Variants in PHACTR1 observed in about 807,000 individuals in gnomAD.
PHACTR1 encodes phosphatase and actin regulator 1, also known as RPEL repeat containing 1.
A neutral mutation model predicts 69.2 loss-of-function variants in PHACTR1; 16 were observed. The ratio of observed to expected loss-of-function variants is 0.23; its 90% CI spans 0.16 to 0.35. The LOEUF is 0.35. PHACTR1 is among the 10% of genes least tolerant of loss of function. The pLI is 1.00. For missense variants in PHACTR1, 510 were observed against 734.7 expected (o/e 0.69, Z 3.54); for synonymous variants, 312 against 284.5 (o/e 1.10, Z -0.97).
chr6:13,256,228 G>A (rs116686139), intron 10 of PHACTR1, among the ~76,000 whole-genome samples: 3,786 of 152,332 alleles, frequency 0.025, 139 homozygotes, highest in African/African-American at 0.082. Flanking sequence ...ACTGAGATGC[G>A]GGGAGCAGTG....
chr6:12,740,309 C>T (rs1419220257), intron 3 of PHACTR1, among the ~76,000 whole-genome samples: 2 of 152,070 alleles, frequency 1.3e-5, no homozygotes, highest in East Asian at 1.9e-4. Flanking sequence ...AGTATGTTTA[C>T]CCATGTTTAT....
At chr6:13,261,485 A>G (rs1009602211) in intron 10 of PHACTR1, among the ~76,000 whole-genome samples, 4 of 152,186 alleles carry the variant, frequency 2.6e-5, no homozygotes, top group African/African-American at 9.7e-5. Flanking sequence ...CAAAAGATAA[A>G]AAAATATTGA....
chr6:12,778,892 C>T (rs1196819261), intron 4 of PHACTR1, among the ~76,000 whole-genome samples: 2 of 152,082 alleles, frequency 1.3e-5, no homozygotes, highest in Non-Finnish European at 2.9e-5. Context: ...GAAAAGGGTC[C>T]CCCCTCCCCT....
At chr6:12,843,303 C>T (rs536956791) in intron 4 of PHACTR1, among the ~76,000 whole-genome samples, 2 of 152,174 alleles carry the variant, frequency 1.3e-5, no homozygotes, top group Non-Finnish European at 2.9e-5. Context: ...GGTTCACTTT[C>T]TTTTCATTGT....
intron 6 of PHACTR1, 135 bp from the exon 7 acceptor site, chr6:13,182,384 G>A (rs538090708): frequency 1.6e-5 from 16 of 1,021,136 alleles, no homozygotes; most frequent in Middle Eastern, 5.3e-4. Flanking sequence ...TGTCTTAAAA[G>A]CAAAATAACA....
At chr6:13,279,234 A>T (rs1057368493) in intron 12 of PHACTR1, 1 of 152,204 alleles carries the variant, frequency 6.6e-6, no homozygotes, top group Non-Finnish European at 1.5e-5. Context: ...GTAGCCTCGC[A>T]TGCATCTCAT....
intron 4 of PHACTR1, among the ~76,000 whole-genome samples, chr6:12,931,306 C>T (rs1452498803): frequency 1.3e-5 from 2 of 152,144 alleles, no homozygotes; most frequent in Non-Finnish European, 2.9e-5. Flanking sequence ...AAGTTACATA[C>T]ATTATTTTGG....
At chr6:12,938,008 GA>G (rs1158857754) in intron 4 of PHACTR1, among the ~76,000 whole-genome samples, 1 of 152,150 alleles carries the variant, frequency 6.6e-6, no homozygotes, top group African/African-American at 2.4e-5. Flanking sequence ...GCTGATGCAT[GA>G]GAATTACTTG....
At chr6:12,788,228 G>A (rs1473467953) in intron 4 of PHACTR1, among the ~76,000 whole-genome samples, 1 of 144,512 alleles carries the variant, frequency 6.9e-6, no homozygotes, top group Non-Finnish European at 1.5e-5. Context: ...CCCTCCCCAA[G>A]TTCCCTACCT....
intron 5 of PHACTR1, among the ~76,000 whole-genome samples, chr6:13,059,406 G>A (rs1028125542): frequency 1.3e-5 from 2 of 151,804 alleles, no homozygotes; most frequent in Admixed American, 6.6e-5. Flanking sequence ...TAACAATCCA[G>A]TATTGTGCAC....
intron 7 of PHACTR1, among the ~76,000 whole-genome samples, chr6:13,200,057 C>T (rs1423320502): frequency 6.6e-6 from 1 of 152,132 alleles, no homozygotes; most frequent in Non-Finnish European, 1.5e-5. Context: ...TCCCAATGAC[C>T]CCCCAGGATG....
At chr6:13,083,269 A>C (rs1351803110) in intron 5 of PHACTR1, among the ~76,000 whole-genome samples, 1 of 151,784 alleles carries the variant, frequency 6.6e-6, no homozygotes, top group Non-Finnish European at 1.5e-5. Context: ...ATGCGGCATT[A>C]TTTCTGAGGG....
At chr6:12,764,877 T>G (rs1315916608) in intron 4 of PHACTR1, among the ~76,000 whole-genome samples, 4 of 152,080 alleles carry the variant, frequency 2.6e-5, no homozygotes, top group Non-Finnish European at 5.9e-5. Flanking sequence ...ATGGTCTGAG[T>G]GCTCTTGGTG....
chr6:12,746,593 A>C (rs376933824), intron 3 of PHACTR1, among the ~76,000 whole-genome samples: 49 of 152,364 alleles, frequency 3.2e-4, no homozygotes, highest in African/African-American at 1.1e-3. Flanking sequence ...CATTTTTGTC[A>C]AAAGTTTAGC....
Position 13,287,172 on chromosome 6 carries a change from TAAATCTTCTGAACTGCCTTTTTTTTAA to T in PHACTR1, c.*98_*124del. The stretch of plus-strand genomic sequence containing the variant: ...ATTTATTCACTTCCCCATTACGATG[TAAATCTTCTGAACTGCCTTTTTTTTAA>T]AAAGAAGAAAAATCAAGGAAACACA... On this transcript the variant is annotated 3_prime_UTR_variant, in exon 15 of 15. Coordinates refer to ENST00000332995, the MANE Select transcript of PHACTR1 (RefSeq NM_030948.6). 8.1e-7 allele frequency: 1 copy of T among 1,236,320 alleles called. No individual in the cohort carries two copies. The highest frequency in any genetic ancestry group is 1.1e-6 in the Non-Finnish European group (1 of 880,090). The allele number at this position is 1,236,320 out of a possible 1,614,324, so 76.6% of individuals were successfully genotyped here. A position where few individuals can be genotyped will look rare whatever the true frequency, so the allele number is the denominator to read the frequency against.
Position 13,182,638 on chromosome 6 carries a change from C to T in PHACTR1, c.616C>T (p.Pro206Ser), listed in dbSNP as rs746155299. 25 of 1,605,614 alleles carry T rather than the reference C, an allele frequency of 1.6e-5. No homozygotes were observed. In the South Asian group the frequency reaches 2.6e-4, roughly 16 times the overall value. The change falls in exon 7 of 15, where the codon CCC (proline) becomes TCC (serine). Residue 206 changes from proline to serine, a missense_variant. Physicochemically the swap from Pro to Ser is moderately conservative, Grantham distance 74 (BLOSUM62 -1). This residue lies in a region of PHACTR1 where 419 missense variants were observed against 530.9 expected (regional missense o/e 0.79). Coordinates refer to ENST00000332995, the MANE Select transcript of PHACTR1 (RefSeq NM_030948.6). Reference sequence around the variant, plus strand: ...GGAGCCAGTCCCAATGCCCAGGGATCCCTGCTCATATGAGGTGCTCCAACC... The same window carrying T: ...GGAGCCAGTCCCAATGCCCAGGGATTCCTGCTCATATGAGGTGCTCCAACC... ...EMEPVPMPRDPCSYEVLQPSD... is the reference protein window; with the variant it reads ...EMEPVPMPRDSCSYEVLQPSD...
At chr6:13,157,422 A>G (rs930227693) in intron 5 of PHACTR1, among the ~76,000 whole-genome samples, 4 of 152,248 alleles carry the variant, frequency 2.6e-5, no homozygotes, top group East Asian at 3.8e-4. Context: ...TGTAAACTCT[A>G]TCACGGCGAT....
intron 3 of PHACTR1, among the ~76,000 whole-genome samples, chr6:12,730,458 TA>T (rs1230666349): frequency 6.7e-6 from 1 of 150,020 alleles, no homozygotes; most frequent in Non-Finnish European, 1.5e-5. Flanking sequence ...TAAGGTCATT[TA>T]AAAAAACACA....
chr6:13,035,996 TA>T (rs1248403865), intron 4 of PHACTR1, among the ~76,000 whole-genome samples: 2 of 152,232 alleles, frequency 1.3e-5, no homozygotes, highest in Non-Finnish European at 2.9e-5. Context: ...ACTCCATTGC[TA>T]AATGTTTACA....
Sources: allele counts gnomAD v4.1 joint callset (sites outside exome capture counted in the v4.1 genomes callset), GRCh38; gene constraint gnomAD v4.1.1; regional missense constraint gnomAD v4.1.1; transcripts MANE v1.5; gene names NCBI Gene and HGNC (gene_info 2026-07-23, HGNC 2026-07-21).